The following MCTP2 variants were observed in gnomAD, a reference collection of about 807,000 sequenced individuals.
MCTP2 encodes multiple C2 and transmembrane domain containing 2, also known as multiple C2 and transmembrane domain-containing protein 2.
A neutral mutation model predicts 111.6 loss-of-function variants in MCTP2; 132 were observed. That is an observed-to-expected ratio of 1.18 (90% confidence interval 1.03 to 1.37). The LOEUF is 1.37. Ranked by LOEUF, MCTP2 falls within the 40% of genes most tolerant of loss-of-function variation. The pLI, the probability that MCTP2 is intolerant of heterozygous loss-of-function variation, is 0.00. For missense variants in MCTP2, 1,183 were observed against 1,067.9 expected, an observed-to-expected ratio of 1.11 and a Z score of -1.50; for synonymous variants, 395 against 387.7, an observed-to-expected ratio of 1.02 and a Z score of -0.22.
At chr15:94,247,582 T>C (rs867677289) in intron 1 of MCTP2, among the ~76,000 whole-genome samples, 1 of 152,022 alleles carries the variant, frequency 6.6e-6, no homozygotes, top group African/African-American at 2.4e-5. Context: ...TACGAAATGA[T>C]TGGGAAAAAC....
rs111452314 is a variant in MCTP2 at position 94,429,243 on chromosome 15, G to C, written c.2086-10933G>C. Among the ~76,000 whole-genome samples, 596 of 152,150 alleles carry C rather than the reference G, an allele frequency of 3.9e-3. 1 individual carries two copies. Among genetic ancestry groups the C allele is most frequent in the Non-Finnish European group, 6.4e-3 (438 of 68,012 alleles). On this transcript the variant is annotated intron_variant, in intron 17 of 22. Coordinates refer to ENST00000357742, the MANE Select transcript of MCTP2 (RefSeq NM_001385001.1). The stretch of plus-strand genomic sequence containing the variant: ...TACAGTGGATTCCACCCTTATCACT[G>C]ATTCAAAGGTAGTGCTCCAACTGTT...
chr15:94,252,159 T>A (rs2072476368), intron 1 of MCTP2, among the ~76,000 whole-genome samples: 1 of 152,246 alleles, frequency 6.6e-6, no homozygotes, highest in African/African-American at 2.4e-5. Context: ...GATTATGTGA[T>A]GATTCTATGG....
chr15:94,450,806 A>G (rs978098567), intron 19 of MCTP2, among the ~76,000 whole-genome samples: 1 of 152,198 alleles, frequency 6.6e-6, no homozygotes, highest in African/African-American at 2.4e-5. Flanking sequence ...GACATGGTCA[A>G]TTTTCAGGAC....
chr15:94,373,579 A>G (rs1328233809), intron 12 of MCTP2, among the ~76,000 whole-genome samples: 4 of 152,304 alleles, frequency 2.6e-5, no homozygotes, highest in African/African-American at 9.6e-5. Flanking sequence ...ATTTAAATGT[A>G]TATTTATCTT....
At chr15:94,233,198 T>C (rs1247187323) in intron 1 of MCTP2, among the ~76,000 whole-genome samples, 1 of 152,196 alleles carries the variant, frequency 6.6e-6, no homozygotes, top group Admixed American at 6.5e-5. Context: ...AGCACTGTTT[T>C]CATTGCACTT....
chr15:94,257,569 GTTTTTTTTTTTTTTTTTTTT>G (rs760633548), intron 1 of MCTP2, among the ~76,000 whole-genome samples: 12 of 33,822 alleles, frequency 3.5e-4, no homozygotes, highest in Non-Finnish European at 4.9e-4. Context: ...TTTCTTTGTT[GTTTTTTTTTTTTTTTTTTTT>G]TTTTTTTTTT....
At chr15:94,327,847 A>T (rs923189832) in intron 4 of MCTP2, among the ~76,000 whole-genome samples, 1 of 152,094 alleles carries the variant, frequency 6.6e-6, no homozygotes, top group African/African-American at 2.4e-5. Flanking sequence ...TTTTTGTTGT[A>T]TGGTTTTGTT....
intron 1 of MCTP2, among the ~76,000 whole-genome samples, chr15:94,245,732 A>ATC (rs2152254118): frequency 1.3e-5 from 2 of 148,432 alleles, no homozygotes; most frequent in South Asian, 4.2e-4. Context: ...ATATATATAT[A>ATC]TATCTATATA....
chr15:94,232,982 C>T (rs910407334), intron 1 of MCTP2, among the ~76,000 whole-genome samples: 2 of 152,118 alleles, frequency 1.3e-5, no homozygotes, highest in Non-Finnish European at 2.9e-5. Context: ...GAGAGGAGTC[C>T]AGTAATTTGT....
chr15:94,338,547 A>G (rs1286747987), intron 4 of MCTP2, among the ~76,000 whole-genome samples: 2 of 139,512 alleles, frequency 1.4e-5, no homozygotes, highest in African/African-American at 2.8e-5. Flanking sequence ...AGGGTCTGCC[A>G]TCAGCCCTTC....
chr15:94,380,227 G>A (rs534099534), intron 12 of MCTP2, among the ~76,000 whole-genome samples: 24 of 152,236 alleles, frequency 1.6e-4, no homozygotes, highest in South Asian at 1.0e-3. Context: ...CATGCTGACT[G>A]TGGAGTGGAA....
At chr15:94,233,515 G>T (rs2070335913) in intron 1 of MCTP2, among the ~76,000 whole-genome samples, 1 of 152,100 alleles carries the variant, frequency 6.6e-6, no homozygotes, top group Admixed American at 6.5e-5. Context: ...ATCAATTTCA[G>T]CTTGATTTCT....
intron 10 of MCTP2, among the ~76,000 whole-genome samples, chr15:94,364,125 G>T (rs2152432560): frequency 6.6e-6 from 1 of 151,604 alleles, no homozygotes; most frequent in South Asian, 2.1e-4. Context: ...CTGTAGTTCA[G>T]GGGTCAGCAA....
chr15:94,248,630 T>C (rs770341989), intron 1 of MCTP2, among the ~76,000 whole-genome samples: 1 of 152,244 alleles, frequency 6.6e-6, no homozygotes, highest in African/African-American at 2.4e-5. Context: ...GTCAAGATTC[T>C]GCCCGCTTGT....
intron 19 of MCTP2, among the ~76,000 whole-genome samples, chr15:94,454,939 G>T (rs1247283875): frequency 6.6e-6 from 1 of 152,086 alleles, no homozygotes; most frequent in Non-Finnish European, 1.5e-5. Context: ...TCCTGCCTCA[G>T]CCTCCCTAGT....
At chr15:94,371,651 TGAA>T (rs1336432424) in intron 12 of MCTP2, among the ~76,000 whole-genome samples, 2 of 152,192 alleles carry the variant, frequency 1.3e-5, no homozygotes, top group African/African-American at 4.8e-5. Context: ...GAGTATTTTT[TGAA>T]GGCTTGTTTA....
intron 12 of MCTP2, among the ~76,000 whole-genome samples, chr15:94,378,990 G>A (rs981181240): frequency 2.3e-4 from 35 of 152,192 alleles, no homozygotes; most frequent in South Asian, 1.9e-3. Flanking sequence ...GGAGTCTGGG[G>A]TCTCCCTGGA....
chr15:94,367,764 C>CGAAA lies in MCTP2; in HGVS notation c.1467_1470dup (p.Gln491LysfsTer42). ...GTGTCTGCCCCTTAGCAGACCTCAG[C>CGAAA]GAAAGAAAGCAGATTACCCAGCGAT... On this transcript the variant is annotated frameshift_variant, in exon 11 of 23. Transcript: ENST00000357742. LOFTEE classifies it high-confidence loss of function. 6.2e-7 allele frequency: 1 copy of CGAAA among 1,603,846 alleles called. No homozygotes were observed. Among genetic ancestry groups the CGAAA allele is most frequent in the Non-Finnish European group, 8.5e-7 (1 of 1,175,622 alleles).
At chr15:94,458,966 C>T (rs553411796) in intron 20 of MCTP2, among the ~76,000 whole-genome samples, 2 of 152,196 alleles carry the variant, frequency 1.3e-5, no homozygotes, top group East Asian at 3.8e-4. Flanking sequence ...CCACCCCCAT[C>T]TTAGGACATG....
Sources: gnomAD v4.1 joint callset for allele counts (sites outside exome capture counted in the v4.1 genomes callset) on GRCh38, gnomAD v4.1.1 for gene constraint, MANE v1.5 for transcripts, NCBI Gene and HGNC (gene_info 2026-07-23, HGNC 2026-07-21) for gene names.